Variants in ZNF787 observed in about 807,000 individuals in gnomAD.
ZNF787 encodes the protein TTF-I-interacting peptide 20.
ZNF787 carries 7 observed loss-of-function variants against 16.9 expected under a neutral mutation model. That is an observed-to-expected ratio of 0.42 (90% CI 0.24 to 0.78). The LOEUF is 0.78. ZNF787 is among the 30% of genes least tolerant of loss of function. ZNF787 has a pLI of 0.30. For synonymous variants in ZNF787, 345 were observed against 270.9 expected, an observed-to-expected ratio of 1.27 and a Z score of -2.69; for missense variants, 551 against 589.3, an observed-to-expected ratio of 0.94 and a Z score of 0.67.
intron 2 of ZNF787, chr19:56,102,659 T>A: frequency 2.1e-6 from 1 of 484,854 alleles, no homozygotes; most frequent in Non-Finnish European, 3.6e-6. Context: ...AGCCTGCGGG[T>A]TCCCTGCACT....
intron 1 of ZNF787, among the ~76,000 whole-genome samples, chr19:56,117,072 G>A (rs2030157542): frequency 6.6e-6 from 1 of 152,188 alleles, no homozygotes; most frequent in Non-Finnish European, 1.5e-5. Context: ...CCAGGAACCA[G>A]CCACATGACC....
intron 1 of ZNF787, among the ~76,000 whole-genome samples, chr19:56,114,848 C>T (rs544246369): frequency 3.9e-5 from 6 of 152,236 alleles, no homozygotes; most frequent in Non-Finnish European, 5.9e-5. Flanking sequence ...CCGGCCCCGC[C>T]GCAGAGCCCT....
chr19:56,093,627 G>A (rs1985749033), intron 2 of ZNF787, among the ~76,000 whole-genome samples: 1 of 152,174 alleles, frequency 6.6e-6, no homozygotes, highest in Admixed American at 6.5e-5. Context: ...AGGTTCCTCA[G>A]GAAGGGCACA....
chr19:56,107,590 G>A (rs767125642), intron 1 of ZNF787, among the ~76,000 whole-genome samples: 18 of 151,820 alleles, frequency 1.2e-4, no homozygotes, highest in Non-Finnish European at 2.4e-4. Context: ...AGGAGAAAGA[G>A]GGTCACCAGG....
intron 2 of ZNF787, among the ~76,000 whole-genome samples, chr19:56,090,783 C>T (rs377119242): frequency 6.6e-6 from 1 of 152,238 alleles, no homozygotes; most frequent in African/African-American, 2.4e-5. Flanking sequence ...GATCACACCA[C>T]TGCATTCCAG....
rs116614778 is a variant in ZNF787, at chr19:56,095,670, T to C, written c.80-6578A>G. ...CTCGATTCTGATTCCTCACATGAGG[T>C]TCTGCCCTGCACAGCACTTTACCTG... On this transcript the variant is annotated intron_variant, in intron 2 of 2. Coordinates refer to ENST00000610935, the MANE Select transcript of ZNF787 (RefSeq NM_001002836.4). Among the ~76,000 whole-genome samples, 197 of 152,318 alleles carry C rather than the reference T, an allele frequency of 1.3e-3. 1 individual carries two copies. The highest frequency in any genetic ancestry group is 4.7e-3 in the African/African-American group (195 of 41,580).
At chr19:56,113,996 G>A (rs2030057614) in intron 1 of ZNF787, among the ~76,000 whole-genome samples, 1 of 152,088 alleles carries the variant, frequency 6.6e-6, no homozygotes, top group Non-Finnish European at 1.5e-5. Flanking sequence ...TACTTTAAAA[G>A]GGCAAATTGT....
chr19:56,098,233 C>T (rs1001433631), intron 2 of ZNF787, among the ~76,000 whole-genome samples: 10 of 152,204 alleles, frequency 6.6e-5, no homozygotes, highest in African/African-American at 2.2e-4. Flanking sequence ...CGGGAGCTAC[C>T]CACAGTCCAA....
intron 1 of ZNF787, among the ~76,000 whole-genome samples, chr19:56,116,046 T>C (rs1184499366): frequency 6.6e-6 from 1 of 152,166 alleles, no homozygotes; most frequent in African/African-American, 2.4e-5. Context: ...GAGTGGGAGT[T>C]GACAGTGCGG....
In ZNF787 at chr19:56,088,375, G is replaced by C; in HGVS notation, c.797C>G (p.Ala266Gly). 9.0e-7 allele frequency: 1 copy of C among 1,114,816 alleles called. No homozygotes were observed. Among genetic ancestry groups the C allele is most frequent in the Non-Finnish European group, 1.1e-6 (1 of 913,542 alleles). The allele number at this position is 1,114,816 out of a possible 1,614,324, so 69.1% of individuals were successfully genotyped here. A position where few individuals can be genotyped will look rare whatever the true frequency, so the allele number is the denominator to read the frequency against. ...GGCGCGCCGCGACCGGGGCCCCGCGGCCTTTGCCCCCGCGCCCGCCATGGC... is the reference window on the plus strand; with the variant it reads ...GGCGCGCCGCGACCGGGGCCCCGCGCCCTTTGCCCCCGCGCCCGCCATGGC... Reference protein sequence around the residue: ...AAAMAGAGAKAAGPRSRRAPA... With the variant: ...AAAMAGAGAKGAGPRSRRAPA... Residue 266 changes from alanine (A) to glycine (G), a missense_variant, in exon 3 of 3, where the codon GCC becomes GGC. Ala to Gly is a moderately conservative substitution (Grantham distance 60, BLOSUM62 0). Transcript: ENST00000610935. This position sits in a 1 kb window ranked among gnomAD's most constrained non-coding sequence, Gnocchi z 8.6.
intron 1 of ZNF787, among the ~76,000 whole-genome samples, chr19:56,120,924 C>T (rs1332679868): frequency 7.1e-6 from 1 of 140,366 alleles, no homozygotes; most frequent in East Asian, 2.2e-4. Context: ...CCTCCAGCCC[C>T]GCTCGCCGCC....
intron 2 of ZNF787, 84 bp from the exon 3 acceptor site, chr19:56,089,176 G>T: frequency 9.4e-7 from 1 of 1,062,610 alleles, no homozygotes; most frequent in Non-Finnish European, 1.3e-6. Context: ...GGCCTCGGGT[G>T]CCTCGCTCCC....
At chr19:56,091,982 G>C (rs58508162) in intron 2 of ZNF787, among the ~76,000 whole-genome samples, 3,702 of 143,566 alleles carry the variant, frequency 0.026, 222 homozygotes, top group African/African-American at 0.095. Flanking sequence ...AAAGCCGAAG[G>C]CGAAACCGAA....
At chr19:56,089,853 G>A (rs1985505126) in intron 2 of ZNF787, among the ~76,000 whole-genome samples, 1 of 152,272 alleles carries the variant, frequency 6.6e-6, no homozygotes, top group East Asian at 1.9e-4. Context: ...TCACACTTCT[G>A]CACCAGGCCT....
intron 2 of ZNF787, among the ~76,000 whole-genome samples, chr19:56,095,544 C>A (rs561481773): frequency 6.6e-6 from 1 of 152,184 alleles, no homozygotes; most frequent in Non-Finnish European, 1.5e-5. Flanking sequence ...CAGGTAAAAA[C>A]GCTGCAACCA....
At chr19:56,097,602 C>T (rs532324473) in intron 2 of ZNF787, among the ~76,000 whole-genome samples, 1 of 152,370 alleles carries the variant, frequency 6.6e-6, no homozygotes, top group South Asian at 2.1e-4. Context: ...GCTGCTAGCA[C>T]AGGAAGAACT....
In ZNF787 at chr19:56,091,919, C is replaced by CAGCCGA. The variant is rs71184312; in HGVS notation, c.80-2833_80-2828dup. Among the ~76,000 whole-genome samples the CAGCCGA allele has an allele frequency of 5.1e-4, 72 of 141,950 alleles. No homozygotes were observed. In the East Asian group the frequency reaches 0.012, roughly 24 times the overall value. 93.1% of individuals were successfully genotyped at this position (141,950 alleles called of 152,430 possible). A position where few individuals can be genotyped will look rare whatever the true frequency, so the allele number is the denominator to read the frequency against. On this transcript the variant is annotated intron_variant, in intron 2 of 2. Coordinates refer to ENST00000610935, the MANE Select transcript of ZNF787 (RefSeq NM_001002836.4). ...CTTGCCGCAGCCGCAGCCGCAGCCG[C>CAGCCGA]AGCCGAAGCCGAAGCCGAAGCCAAA...
rs1199817599 is a variant in ZNF787, at chr19:56,087,579, GAAAA to G, written c.*440_*443del. 7.0e-6 allele frequency: 1 copy of G among 142,068 alleles called. No individual in the cohort carries two copies. Among genetic ancestry groups the G allele is most frequent in the African/African-American group, 2.8e-5 (1 of 36,234 alleles). The allele number at this position is 142,068 out of a possible 1,614,324, so 8.8% of individuals were successfully genotyped here. A position where few individuals can be genotyped will look rare whatever the true frequency, so the allele number is the denominator to read the frequency against. On this transcript the variant is annotated 3_prime_UTR_variant, in exon 3 of 3. Coordinates refer to ENST00000610935, the MANE Select transcript of ZNF787 (RefSeq NM_001002836.4). ...GAGTCAAAAGGTGGGCTGATTAAAA[GAAAA>G]TTCTAAAAGAGAAAAGGGCCCCTGG...
At position 56,103,829 on chromosome 19, in the gene ZNF787, C is replaced by T. The variant is rs1272945840; in HGVS notation, c.-10-602G>A. ...CGCACGACACCACCGACCCGTGCCA[C>T]GCACCGGGAGGGTCTCTACGCACGA... is the stretch of plus-strand genomic sequence containing the variant. On this transcript the variant is annotated intron_variant, in intron 1 of 2. Transcript: ENST00000610935. Among the ~76,000 whole-genome samples the T allele has an allele frequency of 3.8e-5, 5 of 130,962 alleles. No homozygotes were observed. In the East Asian group the frequency reaches 1.1e-3, roughly 30 times the overall value. 85.9% of individuals were successfully genotyped at this position (130,962 alleles called of 152,430 possible).
Sources: allele counts gnomAD v4.1 joint callset (sites outside exome capture counted in the v4.1 genomes callset), GRCh38; gene constraint gnomAD v4.1.1; non-coding constraint Gnocchi (gnomAD v3.1); transcripts MANE v1.5; gene names NCBI Gene and HGNC (gene_info 2026-07-23, HGNC 2026-07-21).